SND1: variants seen among roughly 807,000 people sequenced by gnomAD.
SND1 encodes the protein staphylococcal nuclease domain-containing protein 1.
SND1 carries 38 observed loss-of-function variants against 121.7 expected under a neutral mutation model. The observed-to-expected ratio is 0.31, with a 90% CI of 0.24 to 0.41. The LOEUF is 0.41. Among genes scored for constraint, SND1 ranks in the 10% least tolerant of loss-of-function variants. The pLI is 1.00. For missense variants in SND1, 868 were observed against 1,184.6 expected, an observed-to-expected ratio of 0.73 and a Z score of 3.92; for synonymous variants, 401 against 447.4, an observed-to-expected ratio of 0.90 and a Z score of 1.31.
chr7:128,045,606 G>C (rs1212747517), intron 16 of SND1, among the ~76,000 whole-genome samples: 2 of 152,192 alleles, frequency 1.3e-5, no homozygotes, highest in African/African-American at 4.8e-5. Flanking sequence ...GGCTATATGT[G>C]TTTTATGCTG....
At chr7:127,708,897 T>G (rs1199860172) in intron 9 of SND1, among the ~76,000 whole-genome samples, 2 of 152,238 alleles carry the variant, frequency 1.3e-5, no homozygotes, top group Admixed American at 6.5e-5. Context: ...ACCATGAGTT[T>G]AGGATGGAAA....
chr7:127,724,934 A>G (rs1464318821), intron 10 of SND1, among the ~76,000 whole-genome samples: 2 of 152,122 alleles, frequency 1.3e-5, no homozygotes, highest in Non-Finnish European at 2.9e-5. Context: ...GTCCTTCTTT[A>G]TACTTGCCTT....
At chr7:127,952,313 T>C (rs1161143904) in intron 15 of SND1, among the ~76,000 whole-genome samples, 1 of 152,238 alleles carries the variant, frequency 6.6e-6, no homozygotes, top group Non-Finnish European at 1.5e-5. Context: ...TTTGTAGTCA[T>C]ATTTGTGGCA....
At chr7:127,860,494 C>T (rs897712426) in intron 12 of SND1, among the ~76,000 whole-genome samples, 2 of 152,202 alleles carry the variant, frequency 1.3e-5, no homozygotes, top group Non-Finnish European at 2.9e-5. Flanking sequence ...CCAGTTAATT[C>T]AGTGGCCTGA....
intron 13 of SND1, among the ~76,000 whole-genome samples, chr7:127,889,774 G>GT (rs1044386291): frequency 1.9e-4 from 29 of 152,070 alleles, no homozygotes; most frequent in African/African-American, 6.5e-4. Context: ...AACATGCAGT[G>GT]TTTTTTCTCT....
At chr7:127,802,009 AT>A (rs1270760477) in intron 10 of SND1, among the ~76,000 whole-genome samples, 8 of 151,346 alleles carry the variant, frequency 5.3e-5, no homozygotes, top group Non-Finnish European at 8.8e-5. Flanking sequence ...GCTTGGCTAA[AT>A]TTTTTTTTGT....
intron 12 of SND1, 39 bp from the exon 13 acceptor site, chr7:127,887,863 G>A (rs1278506708): frequency 7.4e-7 from 1 of 1,357,548 alleles, no homozygotes; most frequent in African/African-American, 1.4e-5. Context: ...AGCCCCATAT[G>A]CACTTCTAGT....
intron 16 of SND1, chr7:128,028,903 A>G (rs1435530201): frequency 1.9e-6 from 3 of 1,613,502 alleles, no homozygotes; most frequent in Non-Finnish European, 2.5e-6. Flanking sequence ...GCTGCTGCGG[A>G]TGTTGCTGCT....
rs371656294 is a variant in SND1 at position 128,074,562 on chromosome 7, G to A, written c.1840G>A (p.Asp614Asn). The change falls in exon 17 of 24, where the codon GAC becomes AAC. Residue 614 changes from aspartate to asparagine, a missense_variant. Asp to Asn is a conservative substitution (Grantham distance 23, BLOSUM62 1). Transcript: ENST00000354725. ...AGNFIGWLHI[D>N]GANLSVLLVE... ...CAACTTTATCGGCTGGCTGCACATCGACGGTGCCAACCTGTCCGTCCTGCT... is the reference window on the plus strand; with the variant it reads ...CAACTTTATCGGCTGGCTGCACATCAACGGTGCCAACCTGTCCGTCCTGCT... 6.2e-6 allele frequency: 10 copies of A among 1,613,400 alleles called. No individual in the cohort carries two copies. Among genetic ancestry groups the A allele is most frequent in the East Asian group, 2.2e-5 (1 of 44,882 alleles).
At chr7:127,996,833 C>T (rs571057826) in intron 16 of SND1, among the ~76,000 whole-genome samples, 1 of 152,154 alleles carries the variant, frequency 6.6e-6, no homozygotes, top group Non-Finnish European at 1.5e-5. Flanking sequence ...CTCTCTCATC[C>T]CACAAGCTTT....
At chr7:128,023,472 A>T (rs1803403812) in intron 16 of SND1, among the ~76,000 whole-genome samples, 1 of 152,200 alleles carries the variant, frequency 6.6e-6, no homozygotes, top group Non-Finnish European at 1.5e-5. Flanking sequence ...CCCTCAGCTT[A>T]TGCATGACTA....
At chr7:127,766,357 G>C (rs1797409161) in intron 10 of SND1, among the ~76,000 whole-genome samples, 1 of 152,186 alleles carries the variant, frequency 6.6e-6, no homozygotes, top group Non-Finnish European at 1.5e-5. Flanking sequence ...TGCCAAAGGT[G>C]GCACTTGCCA....
intron 15 of SND1, among the ~76,000 whole-genome samples, chr7:127,936,054 G>T (rs190569597): frequency 6.6e-6 from 1 of 152,136 alleles, no homozygotes; most frequent in Non-Finnish European, 1.5e-5. Context: ...TAGAATGATC[G>T]CTTGGTCAGA....
rs56324746 is a variant in SND1 at position 127,872,628 on chromosome 7, G to GCACACA, written c.1344-15238_1344-15233dup. ...ACATTAGACCTTTTTTAACACACAC[G>GCACACA]CACACACACACACACACACACACAC... On this transcript the variant is annotated intron_variant, in intron 12 of 23. Coordinates refer to ENST00000354725, the MANE Select transcript of SND1 (RefSeq NM_014390.4). Among the ~76,000 whole-genome samples the GCACACA allele has an allele frequency of 3.5e-3, 487 of 139,958 alleles. 1 individual carries two copies. The highest frequency in any genetic ancestry group is 0.018 in the Middle Eastern group (5 of 278). 91.8% of individuals were successfully genotyped at this position (139,958 alleles called of 152,430 possible).
rs1005641981 is a variant in SND1 at position 128,085,224 on chromosome 7, C to G, written c.2234+377C>G. Among the ~76,000 whole-genome samples, 1 of 152,156 alleles carries G rather than the reference C, an allele frequency of 6.6e-6. No homozygotes were observed. Among genetic ancestry groups the G allele is most frequent in the Non-Finnish European group, 1.5e-5 (1 of 68,024 alleles). On this transcript the variant is annotated intron_variant, in intron 19 of 23. Transcript: ENST00000354725. This position sits in a 1 kb window ranked among gnomAD's most constrained non-coding sequence, Gnocchi z 4.4. ...CTACAGTAAGCCTAAACCAGCTGCC[C>G]GACCCTCTTCCCCGGCTGTCTAGGA...
At chr7:128,087,082 G>A (rs1366072788) in intron 21 of SND1, 31 bp downstream of exon 21, 1 of 1,560,884 alleles carries the variant, frequency 6.4e-7, no homozygotes, top group Non-Finnish European at 8.8e-7. Context: ...CTTCCAAAGG[G>A]GACTATCCAC....
chr7:128,036,341 G>A (rs1037284099), intron 16 of SND1, among the ~76,000 whole-genome samples: 1 of 152,218 alleles, frequency 6.6e-6, no homozygotes, highest in South Asian at 2.1e-4. Context: ...TGATCCCATA[G>A]TGAGGCTGGC....
chr7:127,961,398 A>T (rs909811339), intron 15 of SND1, among the ~76,000 whole-genome samples: 10 of 152,202 alleles, frequency 6.6e-5, no homozygotes, highest in Non-Finnish European at 8.8e-5. Flanking sequence ...AGGCATCTTT[A>T]TTCCGAGCCA....
chr7:127,891,953 A>G (rs1434222768), intron 13 of SND1, among the ~76,000 whole-genome samples: 2 of 152,116 alleles, frequency 1.3e-5, no homozygotes, highest in African/African-American at 4.8e-5. Context: ...CTTTAGGTAA[A>G]TAATAGACAG....
Sources: allele counts gnomAD v4.1 joint callset (sites outside exome capture counted in the v4.1 genomes callset), GRCh38; gene constraint gnomAD v4.1.1; non-coding constraint Gnocchi (gnomAD v3.1); transcripts MANE v1.5; gene names NCBI Gene and HGNC (gene_info 2026-07-23, HGNC 2026-07-21).